The following SPATA17 variants were observed in gnomAD, a reference collection of about 807,000 sequenced individuals.
The protein encoded by SPATA17 is spermatogenesis-associated protein 17.
In SPATA17, 53 loss-of-function variants were observed where a neutral mutation model predicts 62.2. The ratio of observed to expected loss-of-function variants is 0.85; its 90% confidence interval spans 0.68 to 1.07. SPATA17 has a LOEUF of 1.07. Ranked by LOEUF, SPATA17 falls within the 50% of genes least tolerant of loss-of-function variation. The pLI is 0.00. For synonymous variants in SPATA17, 146 were observed against 146.8 expected (o/e 0.99, Z 0.04); for missense variants, 466 against 425.5 (o/e 1.10, Z -0.84).
intron 8 of SPATA17, chr1:217,784,967 C>T (rs1044926567): frequency 2.0e-5 from 3 of 152,150 alleles, no homozygotes; most frequent in Admixed American, 1.3e-4. Flanking sequence ...TGTACTGTAT[C>T]ACAATTTTGG....
chr1:217,834,261 A>T (rs1236833466), intron 9 of SPATA17, among the ~76,000 whole-genome samples: 1 of 152,152 alleles, frequency 6.6e-6, no homozygotes, highest in Admixed American at 6.6e-5. Context: ...ATAAATGACT[A>T]TGTTATTGGG....
At chr1:217,708,186 G>T (rs1671779147) in intron 5 of SPATA17, among the ~76,000 whole-genome samples, 1 of 151,994 alleles carries the variant, frequency 6.6e-6, no homozygotes, top group Non-Finnish European at 1.5e-5. Flanking sequence ...GATAGCAGAA[G>T]ACAAGAAATA....
At chr1:217,780,701 C>T (rs1673709571) in intron 7 of SPATA17, among the ~76,000 whole-genome samples, 1 of 152,044 alleles carries the variant, frequency 6.6e-6, no homozygotes, top group Admixed American at 6.6e-5. Flanking sequence ...AAAAACTCTT[C>T]TTGAAACTAA....
At chr1:217,791,048 G>A (rs910840291) in intron 8 of SPATA17, among the ~76,000 whole-genome samples, 12 of 152,160 alleles carry the variant, frequency 7.9e-5, no homozygotes, top group African/African-American at 2.4e-4. Flanking sequence ...TTCAGATAAT[G>A]TTTTAACAAT....
intron 4 of SPATA17, among the ~76,000 whole-genome samples, chr1:217,675,140 A>G (rs548666016): frequency 1.3e-5 from 2 of 152,214 alleles, no homozygotes; most frequent in South Asian, 2.1e-4. Context: ...CCGCAATTAT[A>G]TGGATATGTT....
At chr1:217,698,361 G>A (rs1264241378) in intron 5 of SPATA17, among the ~76,000 whole-genome samples, 2 of 151,966 alleles carry the variant, frequency 1.3e-5, no homozygotes, top group Non-Finnish European at 2.9e-5. Context: ...TTGAATCTGG[G>A]AGGCGGAGTT....
chr1:217,686,219 G>C (rs1234253502), intron 5 of SPATA17, among the ~76,000 whole-genome samples: 7 of 152,002 alleles, frequency 4.6e-5, no homozygotes, highest in African/African-American at 1.7e-4. Context: ...CTAGTCTTTG[G>C]AAGTTTAAAA....
chr1:217,755,418 G>T (rs1208850952), intron 6 of SPATA17, among the ~76,000 whole-genome samples: 2 of 151,990 alleles, frequency 1.3e-5, no homozygotes, highest in African/African-American at 4.8e-5. Flanking sequence ...ATTTTAATTT[G>T]TGAATATCTC....
At chr1:217,654,773 T>C (rs988047838) in intron 3 of SPATA17, among the ~76,000 whole-genome samples, 2 of 149,264 alleles carry the variant, frequency 1.3e-5, no homozygotes, top group African/African-American at 2.5e-5. Context: ...GGTGCAAGGG[T>C]GCGAGCTCAG....
rs181513119 is a variant in SPATA17, at chr1:217,786,658, T to C, written c.872+4336T>C. ...GTGAGACAAATGTATTTCAGAAGAATATGATAGATGCAGTGAAACCCATTA... is the reference window on the plus strand; with the variant it reads ...GTGAGACAAATGTATTTCAGAAGAACATGATAGATGCAGTGAAACCCATTA... On this transcript the variant is annotated intron_variant, in intron 8 of 10. Transcript: ENST00000366933. Among the ~76,000 whole-genome samples, 7 of 152,216 alleles carry C rather than the reference T, an allele frequency of 4.6e-5. No homozygotes were observed. In the East Asian group the frequency reaches 1.4e-3, roughly 29 times the overall value.
intron 5 of SPATA17, among the ~76,000 whole-genome samples, chr1:217,703,174 C>CTTTTTTTTTTTT (rs1203063860): frequency 0.01 from 1,069 of 105,344 alleles, 65 homozygotes; most frequent in African/African-American, 0.012. Flanking sequence ...TGCGCTCGGC[C>CTTTTTTTTTTTT]TTTTTTTTTT....
chr1:217,655,690 T>G (rs1156413782), intron 3 of SPATA17, among the ~76,000 whole-genome samples: 1 of 152,200 alleles, frequency 6.6e-6, no homozygotes, highest in Non-Finnish European at 1.5e-5. Context: ...TGTATTTATA[T>G]GAGTATGAAG....
chr1:217,834,919 C>G (rs539438428), intron 9 of SPATA17, among the ~76,000 whole-genome samples: 3 of 152,188 alleles, frequency 2.0e-5, no homozygotes, highest in African/African-American at 7.2e-5. Context: ...ATCTTTCACA[C>G]TGTATTTTTA....
At chr1:217,669,848 G>T in intron 4 of SPATA17, among the ~76,000 whole-genome samples, 1 of 152,136 alleles carries the variant, frequency 6.6e-6, no homozygotes, top group East Asian at 1.9e-4. Context: ...GAACCATAGT[G>T]GCTAAGTTAA....
At chr1:217,693,447 T>A (rs1207356730) in intron 5 of SPATA17, among the ~76,000 whole-genome samples, 1 of 134,274 alleles carries the variant, frequency 7.4e-6, no homozygotes, top group East Asian at 2.3e-4. Flanking sequence ...AACCAGCTCC[T>A]GGATTCATTG....
chr1:217,732,979 C>A (rs374332848), intron 5 of SPATA17, among the ~76,000 whole-genome samples: 1 of 151,818 alleles, frequency 6.6e-6, no homozygotes. Context: ...TACAAAAATT[C>A]TTTTCAACCA....
intron 1 of SPATA17, 139 bp downstream of exon 1, chr1:217,631,585 C>A: frequency 2.4e-6 from 2 of 819,140 alleles, no homozygotes; most frequent in Non-Finnish European, 3.9e-6. Context: ...TAATGGGCTG[C>A]AAACATAATT....
intron 5 of SPATA17, among the ~76,000 whole-genome samples, chr1:217,729,946 G>A (rs11117917): frequency 0.048 from 7,317 of 152,164 alleles, 579 homozygotes; most frequent in African/African-American, 0.16. Context: ...CATTATGTGG[G>A]TATTTCAATT....
intron 3 of SPATA17, among the ~76,000 whole-genome samples, chr1:217,659,611 G>A (rs1379742246): frequency 6.6e-6 from 1 of 152,026 alleles, no homozygotes; most frequent in Non-Finnish European, 1.5e-5. Context: ...TGTGCCTAGG[G>A]TTCTCAGCTC....
Sources: gnomAD v4.1 joint callset for allele counts (sites outside exome capture counted in the v4.1 genomes callset) on GRCh38, gnomAD v4.1.1 for gene constraint, MANE v1.5 for transcripts, NCBI Gene and HGNC (gene_info 2026-07-23, HGNC 2026-07-21) for gene names.